The following RAB11FIP3 variants were observed in gnomAD, a reference collection of about 807,000 sequenced individuals.
RAB11FIP3 encodes the protein RAB11 family interacting protein 3.
RAB11FIP3 carries 17 observed loss-of-function variants against 77.8 expected under a neutral mutation model. The ratio of observed to expected loss-of-function variants is 0.22; its 90% CI spans 0.15 to 0.33. The LOEUF (loss-of-function observed/expected upper bound fraction) is 0.33. Among genes scored for constraint, RAB11FIP3 ranks in the 10% least tolerant of loss-of-function variants. The probability of loss-of-function intolerance (pLI) is 1.00; values close to 1 mark genes in which losing one functional copy is unlikely to be tolerated. For synonymous variants in RAB11FIP3, 437 were observed against 448.2 expected (o/e 0.98, Z 0.31); for missense variants, 1,005 against 1,011.2 (o/e 0.99, Z 0.08).
At chr16:479,216 AC>A (rs2055983561) in intron 3 of RAB11FIP3, among the ~76,000 whole-genome samples, 1 of 151,886 alleles carries the variant, frequency 6.6e-6, no homozygotes, top group South Asian at 2.1e-4. Context: ...ACATGGCAAA[AC>A]CCCATCTCTA....
Position 503,095 on chromosome 16 carries a change from A to C in RAB11FIP3, c.1393A>C (p.Lys465Gln). The change falls in exon 7 of 14, where the codon AAG becomes CAG. Residue 465 changes from lysine (K) to glutamine (Q), a missense_variant and splice_region_variant. Transcript: ENST00000262305. ...MEGPEEDIAD[K>Q]VVFLERRVLE... ...GGGCCCAGAGGAGGACATTGCTGACAAGGTAGGCCCTGGAGGGCTGGGTAG... is the reference window on the plus strand; with the variant it reads ...GGGCCCAGAGGAGGACATTGCTGACCAGGTAGGCCCTGGAGGGCTGGGTAG... 6.2e-7 allele frequency: 1 copy of C among 1,609,798 alleles called. No homozygotes were observed. Among genetic ancestry groups the C allele is most frequent in the Non-Finnish European group, 8.5e-7 (1 of 1,177,124 alleles).
chr16:443,768 G>A (rs887273675), intron 1 of RAB11FIP3, among the ~76,000 whole-genome samples: 1 of 152,184 alleles, frequency 6.6e-6, no homozygotes, highest in East Asian at 1.9e-4. Flanking sequence ...GTTTCACCAT[G>A]TTAGCCAGGA....
chr16:504,022 CTG>C lies in RAB11FIP3; in HGVS notation c.1395+927_1395+928del, dbSNP rs1375390052. 4.7e-4 allele frequency among the ~76,000 whole-genome samples: 33 copies of C among 70,902 alleles called. 2 individuals carry two copies. The highest frequency in any genetic ancestry group is 8.7e-4 in the Non-Finnish European group (31 of 35,560). The allele number at this position is 70,902 out of a possible 152,430, so 46.5% of individuals were successfully genotyped here. On this transcript the variant is annotated intron_variant, in intron 7 of 13. Transcript: ENST00000262305. ...ACCTCCTGTACCCCCTCACTACCTC[CTG>C]TACCCCCTCACTACCTCCTGTACCC...
At chr16:433,818 T>A (rs1382590421) in intron 1 of RAB11FIP3, among the ~76,000 whole-genome samples, 2 of 148,972 alleles carry the variant, frequency 1.3e-5, no homozygotes, top group Non-Finnish European at 1.5e-5. Flanking sequence ...ATCGTGCCAC[T>A]GCACTCCAGT....
rs575316345 is a variant in RAB11FIP3, at chr16:461,504, C to T, written c.808+7C>T. On this transcript the variant is annotated splice_region_variant and intron_variant, in intron 2 of 13. Coordinates refer to ENST00000262305, the MANE Select transcript of RAB11FIP3 (RefSeq NM_014700.4). The surrounding 1 kb of genome is among the most constrained non-coding windows in gnomAD (Gnocchi z 4.5). Reference sequence around the variant, plus strand: ...ACAGCCATCAGAAACGGAGGTCAGTCATCCCCGCCATGAGCTCCCACCTCC... The same window carrying T: ...ACAGCCATCAGAAACGGAGGTCAGTTATCCCCGCCATGAGCTCCCACCTCC... 1 of 1,582,224 alleles carries T rather than the reference C, an allele frequency of 6.3e-7. No homozygotes were observed. Among genetic ancestry groups the T allele is most frequent in the Admixed American group, 1.8e-5 (1 of 55,968 alleles).
intron 12 of RAB11FIP3, 38 bp downstream of exon 12, chr16:520,315 A>G (rs2032624876): frequency 3.2e-6 from 5 of 1,550,374 alleles, no homozygotes; most frequent in Admixed American, 3.8e-5. Flanking sequence ...ACACTCCTGC[A>G]GAAGCTTCCA....
rs931962112 is a variant in RAB11FIP3 at position 521,398 on chromosome 16, C to T, written c.*559C>T. The T allele has an allele frequency of 3.8e-5, 6 of 156,328 alleles. No individual in the cohort carries two copies. Among genetic ancestry groups the T allele is most frequent in the Admixed American group, 6.2e-5 (1 of 16,018 alleles). 9.7% of individuals were successfully genotyped at this position (156,328 alleles called of 1,614,324 possible). On this transcript the variant is annotated 3_prime_UTR_variant, in exon 14 of 14. Coordinates refer to ENST00000262305, the MANE Select transcript of RAB11FIP3 (RefSeq NM_014700.4). ...CTGACGGGCTCCCAGACCCTCACCT[C>T]GGACATGGTGGTGGGGGAAGGACGG...
rs1452230349 is a variant in RAB11FIP3, at chr16:522,203, A to C, written c.*1364A>C. On this transcript the variant is annotated 3_prime_UTR_variant, in exon 14 of 14. Transcript: ENST00000262305. Reference sequence around the variant, plus strand: ...ATTTTTTATAGATTGAAGGTTGATCAATTTTTTAATACTTTCAAGAGAAAA... The same window carrying C: ...ATTTTTTATAGATTGAAGGTTGATCCATTTTTTAATACTTTCAAGAGAAAA... 2 of 149,572 alleles carry C rather than the reference A, an allele frequency of 1.3e-5. 1 individual carries two copies. The highest frequency in any genetic ancestry group is 4.2e-4 in the South Asian group (2 of 4,778). 9.3% of individuals were successfully genotyped at this position (149,572 alleles called of 1,614,324 possible).
intron 2 of RAB11FIP3, among the ~76,000 whole-genome samples, chr16:467,520 GGGGGCGTCAGGGAGGAGGTGCA>G (rs2055725233): frequency 3.5e-5 from 3 of 85,206 alleles, no homozygotes; most frequent in African/African-American, 9.9e-5. Flanking sequence ...GAGGAGGTGC[GGGGGCGTCAGGGAGGAGGTGCA>G]GGGGCCTCAG....
intron 1 of RAB11FIP3, among the ~76,000 whole-genome samples, chr16:459,934 A>G (rs554668386): frequency 3.2e-4 from 47 of 148,440 alleles, no homozygotes; most frequent in African/African-American, 1.1e-3. Context: ...CTGGAGTGCA[A>G]TGGCGCAATC....
intron 2 of RAB11FIP3, among the ~76,000 whole-genome samples, chr16:463,842 T>G (rs1251661947): frequency 2.0e-5 from 3 of 152,272 alleles, no homozygotes; most frequent in African/African-American, 7.2e-5. Flanking sequence ...GGGGCCTCTG[T>G]GGTGAACCAG....
chr16:474,314 C>T (rs528083583), intron 3 of RAB11FIP3, among the ~76,000 whole-genome samples: 11 of 152,256 alleles, frequency 7.2e-5, no homozygotes, highest in African/African-American at 1.9e-4. Flanking sequence ...GTGCTCACAC[C>T]GGGGTGGTCG....
intron 5 of RAB11FIP3, among the ~76,000 whole-genome samples, chr16:492,428 CG>C (rs779175548): frequency 1.2e-4 from 15 of 124,764 alleles, no homozygotes; most frequent in South Asian, 2.8e-4. Flanking sequence ...GGGCCCTCCC[CG>C]GGAGACCCGA....
intron 9 of RAB11FIP3, among the ~76,000 whole-genome samples, chr16:517,820 C>A (rs533768034): frequency 3.9e-5 from 6 of 152,166 alleles, no homozygotes; most frequent in African/African-American, 1.2e-4. Flanking sequence ...CGGTGGCTCA[C>A]GCCTGTAATC....
chr16:488,337 A>G (rs1344360396), intron 4 of RAB11FIP3, among the ~76,000 whole-genome samples: 10 of 152,228 alleles, frequency 6.6e-5, no homozygotes, highest in Non-Finnish European at 7.4e-5. Context: ...CCGATATTGC[A>G]CGACTGCACT....
At position 506,887 on chromosome 16, in the gene RAB11FIP3, C is replaced by T. The variant is rs765505048; in HGVS notation, c.1499+1260C>T. Among the ~76,000 whole-genome samples the T allele has an allele frequency of 2.0e-5, 3 of 152,142 alleles. No homozygotes were observed. Among genetic ancestry groups the T allele is most frequent in the Non-Finnish European group, 2.9e-5 (2 of 68,032 alleles). ...GTGAAGGGGCTGGACTCCCGTAGTG[C>T]GCTACACATAAGCAGTGCCACCAAA... On this transcript the variant is annotated intron_variant, in intron 8 of 13. Transcript: ENST00000262305. This position sits in a 1 kb window ranked among gnomAD's most constrained non-coding sequence, Gnocchi z 4.5.
chr16:480,286 C>CAAAAAAAAGAAGAAAAAAAAAAAAAA (rs752259728), intron 3 of RAB11FIP3, among the ~76,000 whole-genome samples: 1 of 80,024 alleles, frequency 1.2e-5, no homozygotes, highest in African/African-American at 4.8e-5. Context: ...ACTCCTTCTC[C>CAAAAAAAAGAAGAAAAAAAAAAAAAA]AAAAAAAAAA....
In RAB11FIP3 at chr16:503,032, A is replaced by T. The variant is rs1243803073; in HGVS notation, c.1330A>T (p.Met444Leu). 1 of 1,613,034 alleles carries T rather than the reference A, an allele frequency of 6.2e-7. No homozygotes were observed. The highest frequency in any genetic ancestry group is 8.5e-7 in the Non-Finnish European group (1 of 1,179,604). Residue 444 changes from methionine (M) to leucine (L), a missense_variant, in exon 7 of 14, where the codon ATG becomes TTG. Transcript: ENST00000262305. The stretch of plus-strand genomic sequence containing the variant: ...CCTGCACCAGTCAGGGGCCCTGACC[A>T]TGGAGGCCCTGGAGGACCCTTCCCC... ...RYLHQSGALT[M>L]EALEDPSPEL... is the part of the protein sequence containing the mutation.
chr16:437,996 G>T (rs1056892984), intron 1 of RAB11FIP3, among the ~76,000 whole-genome samples: 1 of 152,154 alleles, frequency 6.6e-6, no homozygotes, highest in African/African-American at 2.4e-5. Context: ...TTTTAGTAGA[G>T]ATGGGGTTTC....
Sources: gnomAD v4.1 joint callset for allele counts (sites outside exome capture counted in the v4.1 genomes callset) on GRCh38, gnomAD v4.1.1 for gene constraint, Gnocchi (gnomAD v3.1) non-coding constraint, MANE v1.5 for transcripts, NCBI Gene and HGNC (gene_info 2026-07-23, HGNC 2026-07-21) for gene names.